Variants in UBN2 observed in about 807,000 individuals in gnomAD.
The protein encoded by UBN2 is ubinuclein-2.
UBN2 carries 35 observed loss-of-function variants against 120.2 expected under a neutral mutation model. That is an observed-to-expected ratio of 0.29 (90% CI 0.22 to 0.39). The LOEUF is 0.39. UBN2 is among the 10% of genes least tolerant of loss of function. UBN2 has a pLI of 1.00. For synonymous variants in UBN2, 661 were observed against 648.7 expected (o/e 1.02, Z -0.29); for missense variants, 1,693 against 1,663.2 (o/e 1.02, Z -0.31).
intron 15 of UBN2, 119 bp from the exon 16 acceptor site, chr7:139,293,113 C>G (rs1042257004): frequency 2.6e-5 from 21 of 801,762 alleles, no homozygotes; most frequent in Non-Finnish European, 4.0e-5. Flanking sequence ...GCCTGTCTCA[C>G]AACGTTTCTG....
At chr7:139,238,227 A>G (rs2130930044) in intron 2 of UBN2, among the ~76,000 whole-genome samples, 2 of 152,222 alleles carry the variant, frequency 1.3e-5, no homozygotes, top group South Asian at 4.1e-4. Flanking sequence ...TGGCCTTGTC[A>G]TTGAGGGCCT....
At position 139,292,080 on chromosome 7, in the gene UBN2, A is replaced by G. The variant is rs1174406178; in HGVS notation, c.3670-1152A>G. Among the ~76,000 whole-genome samples the G allele has an allele frequency of 3.3e-5, 5 of 151,924 alleles. No individual in the cohort carries two copies. The East Asian group carries it at 9.8e-4, about 30-fold the overall frequency. On this transcript the variant is annotated intron_variant, in intron 15 of 17. Transcript: ENST00000473989. ...AGCCTGGGCAACATGGTGAAACCCT[A>G]TCTCTATAATAAATACAAAAAATGT...
rs114980126 is a variant in UBN2, at chr7:139,282,320, C to T, written c.2118+265C>T. Among the ~76,000 whole-genome samples the T allele has an allele frequency of 7.7e-3, 1,172 of 152,250 alleles. 16 individuals are homozygous for T. The highest frequency in any genetic ancestry group is 0.027 in the African/African-American group (1,114 of 41,540). On this transcript the variant is annotated intron_variant, in intron 14 of 17. Coordinates refer to ENST00000473989, the MANE Select transcript of UBN2 (RefSeq NM_173569.4). ...GAAGGTTGATTATTTGAGAAACAGA[C>T]TCTAACAACTCTTAGGTATTCAGAG...
At position 139,272,216 on chromosome 7, in the gene UBN2, A is replaced by C. The variant is rs74710250; in HGVS notation, c.1597-106A>C. 4.9e-3 allele frequency: 3,682 copies of C among 747,274 alleles called. 112 individuals carry two copies. In the African/African-American group the frequency reaches 0.059, roughly 12 times the overall value. 46.3% of individuals were successfully genotyped at this position (747,274 alleles called of 1,614,324 possible). A position where few individuals can be genotyped will look rare whatever the true frequency, so the allele number is the denominator to read the frequency against. On this transcript the variant is annotated intron_variant, in intron 8 of 17. Transcript: ENST00000473989. The stretch of plus-strand genomic sequence containing the variant: ...CCATATTTAGATATGCTAATATTTC[A>C]AATCTATAATTGGTATCTAAAACAT...
downstream of UBN2, among the ~76,000 whole-genome samples, chr7:139,312,042 TCTTA>T (rs1159255317): frequency 6.6e-6 from 1 of 152,242 alleles, no homozygotes; most frequent in African/African-American, 2.4e-5. Flanking sequence ...GTGGATAATT[TCTTA>T]CTTTGTACTC....
chr7:139,300,487 A>G lies in UBN2; in HGVS notation c.*2651A>G, dbSNP rs1274196795. ...TTTATTACTAAAAACAAACATATAA[A>G]TTGGTTATTTTTTAGCACAGAGACT... On this transcript the variant is annotated 3_prime_UTR_variant, in exon 18 of 18. Coordinates refer to ENST00000473989, the MANE Select transcript of UBN2 (RefSeq NM_173569.4). The G allele has an allele frequency of 6.6e-6, 1 of 152,190 alleles. No homozygotes were observed. The highest frequency in any genetic ancestry group is 2.4e-5 in the African/African-American group (1 of 41,440). The allele number at this position is 152,190 out of a possible 1,614,324, so 9.4% of individuals were successfully genotyped here.
chr7:139,284,472 T>C lies in UBN2; in HGVS notation c.3567T>C (p.Ser1189=). 1 of 1,614,162 alleles carries C rather than the reference T, an allele frequency of 6.2e-7. No individual in the cohort carries two copies. The highest frequency in any genetic ancestry group is 8.5e-7 in the Non-Finnish European group (1 of 1,180,032). Residue 1189 remains serine (S), a synonymous_variant, in exon 15 of 18, where the codon TCT becomes TCC. Transcript: ENST00000473989. ...GCGGAGCTAATAGGACTAGTCTGTC[T>C]GGGGGAACAGGAAGTGGAACACAGG... ...NSSGANRTSL[S]GGTGSGTQGA...
At chr7:139,253,550 C>G (rs1796676852) in intron 3 of UBN2, among the ~76,000 whole-genome samples, 1 of 152,206 alleles carries the variant, frequency 6.6e-6, no homozygotes, top group African/African-American at 2.4e-5. Context: ...TGCCTTATTA[C>G]CAGGATGGTA....
chr7:139,311,045 T>G (rs191898593), downstream of UBN2, among the ~76,000 whole-genome samples: 1 of 152,366 alleles, frequency 6.6e-6, no homozygotes, highest in African/African-American at 2.4e-5. Flanking sequence ...TAACTAGATT[T>G]GAGTCTGTCT....
chr7:139,290,589 A>T (rs1797924955), intron 15 of UBN2, among the ~76,000 whole-genome samples: 1 of 152,254 alleles, frequency 6.6e-6, no homozygotes. Context: ...CCATTGGAGA[A>T]GATGATTTCA....
Position 139,259,290 on chromosome 7 carries a change from T to C in UBN2, c.825T>C (p.Asp275=). The C allele has an allele frequency of 6.2e-7, 1 of 1,613,636 alleles. No homozygotes were observed. Among genetic ancestry groups the C allele is most frequent in the African/African-American group, 1.3e-5 (1 of 74,996 alleles). The change falls in exon 5 of 18, where the codon GAT becomes GAC. Residue 275 remains aspartate (D), a synonymous_variant. Transcript: ENST00000473989. ...PPKVPKIKED[D]IEMKKRKRKE... ...AGGTCCCCAAAATAAAAGAAGATGA[T>C]ATTGAGATGAAGAAGCGGAAGCGGA...
the UBN2 span, among the ~76,000 whole-genome samples, chr7:139,330,258 A>C: frequency 6.6e-6 from 1 of 152,242 alleles, no homozygotes; most frequent in Admixed American, 6.5e-5. Context: ...AAACAAAATC[A>C]GTTTTTTTAA....
Position 139,231,239 on chromosome 7 carries a change from G to C in UBN2, c.-246G>C, listed in dbSNP as rs539418233. Among the ~76,000 whole-genome samples, 291 of 152,358 alleles carry C rather than the reference G, an allele frequency of 1.9e-3. No homozygotes were observed. Among genetic ancestry groups the C allele is most frequent in the Non-Finnish European group, 3.1e-3 (214 of 68,032 alleles). ...TGCGCATGCGCCCGCTCAGCGGCCT[G>C]CTTCTATTTATGTGGGGGATCCAAC... On this transcript the variant is annotated 5_prime_UTR_variant, in exon 1 of 18. Transcript: ENST00000473989.
chr7:139,271,038 T>C (rs184043699), intron 8 of UBN2, among the ~76,000 whole-genome samples: 1 of 152,124 alleles, frequency 6.6e-6, no homozygotes, highest in East Asian at 1.9e-4. Context: ...TGCCTTGGCC[T>C]CCTAAAGTAC....
rs1798326491 is a variant in UBN2, at chr7:139,304,659, G to C, written c.*6823G>C. ...CCAGGTCCAAGCAGACAAAGCATCTGGTTAATTTCCAGAATTGGCTAAGGT... is the reference window on the plus strand; with the variant it reads ...CCAGGTCCAAGCAGACAAAGCATCTCGTTAATTTCCAGAATTGGCTAAGGT... On this transcript the variant is annotated 3_prime_UTR_variant, in exon 18 of 18. Transcript: ENST00000473989. The C allele has an allele frequency of 6.6e-6, 1 of 151,122 alleles. No individual in the cohort carries two copies. Among genetic ancestry groups the C allele is most frequent in the Non-Finnish European group, 1.5e-5 (1 of 67,992 alleles). The allele number at this position is 151,122 out of a possible 1,614,324, so 9.4% of individuals were successfully genotyped here.
At chr7:139,273,446 T>A in intron 10 of UBN2, 36 bp downstream of exon 10, 1 of 1,364,576 alleles carries the variant, frequency 7.3e-7, no homozygotes, top group Admixed American at 2.3e-5. Context: ...TAATATATAA[T>A]GCAGAAGTAA....
intron 1 of UBN2, among the ~76,000 whole-genome samples, chr7:139,235,291 G>T (rs1796134029): frequency 6.6e-6 from 1 of 152,146 alleles, no homozygotes; most frequent in Non-Finnish European, 1.5e-5. Flanking sequence ...TCTGGTTAAG[G>T]CTACACCCTG....
chr7:139,316,906 C>CT, the UBN2 span, among the ~76,000 whole-genome samples: 3 of 146,358 alleles, frequency 2.0e-5, no homozygotes, highest in South Asian at 4.4e-4. Flanking sequence ...ATTTTTTTTT[C>CT]TTTTTTTTGG....
downstream of UBN2, chr7:139,308,293 T>C (rs1798400499): frequency 1.3e-5 from 2 of 152,154 alleles, no homozygotes; most frequent in South Asian, 4.1e-4. Flanking sequence ...CACTCTCAGC[T>C]GTTGGGGAGT....
Sources: gnomAD v4.1 joint callset for allele counts (sites outside exome capture counted in the v4.1 genomes callset) on GRCh38, gnomAD v4.1.1 for gene constraint, MANE v1.5 for transcripts, NCBI Gene and HGNC (gene_info 2026-07-23, HGNC 2026-07-21) for gene names.